CTNNA2: variants seen among roughly 807,000 people sequenced by gnomAD.
The protein encoded by CTNNA2 is catenin alpha-2.
A neutral mutation model predicts 101.0 loss-of-function variants in CTNNA2; 42 were observed. The ratio of observed to expected loss-of-function variants is 0.42; its 90% CI spans 0.32 to 0.54. The LOEUF (loss-of-function observed/expected upper bound fraction) is 0.54. CTNNA2 is among the 20% of genes least tolerant of loss of function. The pLI is 0.14. For missense variants in CTNNA2, 871 were observed against 1,223.1 expected (o/e 0.71, Z 4.29); for synonymous variants, 450 against 456.4 (o/e 0.99, Z 0.18).
At chr2:79,504,391 G>A (rs894219736) in intron 4 of CTNNA2, among the ~76,000 whole-genome samples, 1 of 152,130 alleles carries the variant, frequency 6.6e-6, no homozygotes, top group African/African-American at 2.4e-5. Flanking sequence ...CCGGTTTCAA[G>A]CAATTCTTCT....
chr2:80,103,953 G>T (rs1400326000), intron 7 of CTNNA2, among the ~76,000 whole-genome samples: 1 of 152,088 alleles, frequency 6.6e-6, no homozygotes, highest in Non-Finnish European at 1.5e-5. Context: ...AGGCTGGTCT[G>T]AAACTCCTGA....
rs1037751013 is a variant in CTNNA2, at chr2:79,271,937, A to G, written c.-405-40772A>G. 3.9e-5 allele frequency among the ~76,000 whole-genome samples: 6 copies of G among 151,974 alleles called. No homozygotes were observed. The South Asian group carries it at 8.3e-4, about 21-fold the overall frequency. ...CCCTTATCGGCCTAGATCATATTCT[A>G]TGCCATAACCTTCCTCGTCTCCCAT... On this transcript the variant is annotated intron_variant, in intron 2 of 21. Transcript: ENST00000466387.
At chr2:79,322,177 T>G (rs1180408116) in intron 3 of CTNNA2, among the ~76,000 whole-genome samples, 1 of 152,176 alleles carries the variant, frequency 6.6e-6, no homozygotes, top group Non-Finnish European at 1.5e-5. Context: ...CCGAAGGAGA[T>G]GTCTTCAAAG....
At chr2:79,192,492 G>C (rs775928792) in intron 1 of CTNNA2, among the ~76,000 whole-genome samples, 1 of 151,966 alleles carries the variant, frequency 6.6e-6, no homozygotes, top group Non-Finnish European at 1.5e-5. Flanking sequence ...ATATTTTTTC[G>C]CTCACAGTTA....
intron 2 of CTNNA2, among the ~76,000 whole-genome samples, chr2:79,235,498 T>G (rs1351612812): frequency 6.6e-6 from 1 of 152,056 alleles, no homozygotes; most frequent in Non-Finnish European, 1.5e-5. Flanking sequence ...GCTGACTCCA[T>G]GCCCATATTT....
intron 3 of CTNNA2, among the ~76,000 whole-genome samples, chr2:79,337,164 A>G (rs765394059): frequency 6.6e-6 from 1 of 152,076 alleles, no homozygotes; most frequent in Non-Finnish European, 1.5e-5. Flanking sequence ...CACAAAGGAG[A>G]TTTCTCTGCA....
intron 1 of CTNNA2, chr2:79,636,928 A>G (rs1404570050): frequency 2.6e-5 from 4 of 152,266 alleles, no homozygotes; most frequent in Admixed American, 2.6e-4. Context: ...TCTTCTCCAC[A>G]TCTTTCTAAT....
At chr2:79,859,907 G>C (rs1296583638) in intron 4 of CTNNA2, among the ~76,000 whole-genome samples, 2 of 152,132 alleles carry the variant, frequency 1.3e-5, no homozygotes, top group Admixed American at 6.5e-5. Flanking sequence ...TGGCAGTGGA[G>C]CCCTCAGGGT....
At chr2:79,814,289 AC>A (rs1677289771) in intron 3 of CTNNA2, among the ~76,000 whole-genome samples, 1 of 152,098 alleles carries the variant, frequency 6.6e-6, no homozygotes, top group Non-Finnish European at 1.5e-5. Context: ...TGGTTACATG[AC>A]TAAATTCTTT....
chr2:80,573,706 A>C lies in CTNNA2; in HGVS notation c.1742-457A>C, dbSNP rs141925266. Among the ~76,000 whole-genome samples the C allele has an allele frequency of 4.2e-3, 633 of 152,340 alleles. 4 individuals are homozygous for C. The highest frequency in any genetic ancestry group is 0.015 in the African/African-American group (617 of 41,580). ...TATTTATTGATACTTCCAAAGGGCC[A>C]GATTCCACCCAAAACTTTTTTGCAT... On this transcript the variant is annotated intron_variant, in intron 12 of 18. Coordinates refer to ENST00000402739, the MANE Select transcript of CTNNA2 (RefSeq NM_001282597.3).
In CTNNA2 at chr2:79,943,410, A is replaced by G. The variant is rs146347563; in HGVS notation, c.1056+33613A>G. 1.4e-3 allele frequency among the ~76,000 whole-genome samples: 216 copies of G among 152,348 alleles called. 1 individual carries two copies. The highest frequency in any genetic ancestry group is 5.0e-3 in the African/African-American group (206 of 41,582). On this transcript the variant is annotated intron_variant, in intron 7 of 18. Transcript: ENST00000402739. ...TGTTTGTATATCATGTAGAAAAAAAAGAAGTCCAGAGACAAACATGGTCCT... is the reference window on the plus strand; with the variant it reads ...TGTTTGTATATCATGTAGAAAAAAAGGAAGTCCAGAGACAAACATGGTCCT...
intron 7 of CTNNA2, among the ~76,000 whole-genome samples, chr2:80,219,657 C>T (rs1708465003): frequency 6.6e-6 from 1 of 152,092 alleles, no homozygotes; most frequent in Admixed American, 6.6e-5. Flanking sequence ...TTTGCCCATT[C>T]TATTTCCTCA....
intron 1 of CTNNA2, among the ~76,000 whole-genome samples, chr2:79,536,719 A>G (rs1276934699): frequency 1.5e-4 from 11 of 72,900 alleles, no homozygotes; most frequent in Admixed American, 3.9e-4. Context: ...TTCTTTGGAG[A>G]AGGAGTTTTG....
intron 9 of CTNNA2, among the ~76,000 whole-genome samples, chr2:80,446,053 C>A (rs180884023): frequency 1.3e-5 from 2 of 152,262 alleles, no homozygotes; most frequent in East Asian, 1.9e-4. Flanking sequence ...ATTGTTCCTG[C>A]ATAATGTGTT....
intron 1 of CTNNA2, among the ~76,000 whole-genome samples, chr2:79,516,728 GA>G (rs1056502440): frequency 4.6e-5 from 7 of 152,134 alleles, no homozygotes; most frequent in Non-Finnish European, 8.8e-5. Flanking sequence ...GTGTCATAGT[GA>G]GGACCCAGAA....
At chr2:79,480,496 G>T (rs755850603) in intron 4 of CTNNA2, among the ~76,000 whole-genome samples, 1 of 152,138 alleles carries the variant, frequency 6.6e-6, no homozygotes, top group East Asian at 1.9e-4. Context: ...TAAATTATTG[G>T]TTCTATTATA....
intron 2 of CTNNA2, among the ~76,000 whole-genome samples, chr2:79,300,477 A>T (rs937824378): frequency 6.6e-6 from 1 of 152,162 alleles, no homozygotes; most frequent in Non-Finnish European, 1.5e-5. Context: ...TCTCTCTCCA[A>T]TGGGGAAGGA....
intron 4 of CTNNA2, among the ~76,000 whole-genome samples, chr2:79,438,745 G>A (rs147243063): frequency 6.6e-6 from 1 of 152,316 alleles, no homozygotes; most frequent in East Asian, 1.9e-4. Flanking sequence ...TAATGTGCAT[G>A]AGAATGACTT....
At chr2:79,920,914 G>A (rs933483963) in intron 7 of CTNNA2, among the ~76,000 whole-genome samples, 4 of 152,064 alleles carry the variant, frequency 2.6e-5, no homozygotes, top group Non-Finnish European at 5.9e-5. Flanking sequence ...GACCTGTTTC[G>A]GCATGAGCTC....
Sources: allele counts gnomAD v4.1 joint callset (sites outside exome capture counted in the v4.1 genomes callset), GRCh38; gene constraint gnomAD v4.1.1; transcripts MANE v1.5; gene names NCBI Gene and HGNC (gene_info 2026-07-23, HGNC 2026-07-21).